ENOX1: variants seen among roughly 807,000 people sequenced by gnomAD.
The protein encoded by ENOX1 is ecto-NOX disulfide-thiol exchanger 1.
In ENOX1, 42 loss-of-function variants were observed where a neutral mutation model predicts 82.5. That is an observed-to-expected ratio of 0.51 (90% confidence interval 0.40 to 0.66). The LOEUF (loss-of-function observed/expected upper bound fraction) is 0.66. Ranked by LOEUF, ENOX1 falls within the 30% of genes least tolerant of loss-of-function variation. The pLI is 0.00. For missense variants in ENOX1, 608 were observed against 811.6 expected (o/e 0.75, Z 3.05); for synonymous variants, 271 against 282.2 (o/e 0.96, Z 0.40).
intron 5 of ENOX1, among the ~76,000 whole-genome samples, chr13:43,410,044 T>C (rs1262184941): frequency 6.6e-6 from 1 of 152,210 alleles, no homozygotes; most frequent in African/African-American, 2.4e-5. Flanking sequence ...ACGGTAAATC[T>C]TCTATAACGC....
chr13:43,589,095 G>C (rs567334498), intron 2 of ENOX1, among the ~76,000 whole-genome samples: 2 of 150,932 alleles, frequency 1.3e-5, no homozygotes, highest in South Asian at 4.2e-4. Context: ...GAAAACAAGG[G>C]AAGCTAACAA....
chr13:43,744,912 C>T (rs1175529496), intron 1 of ENOX1, among the ~76,000 whole-genome samples: 1 of 152,158 alleles, frequency 6.6e-6, no homozygotes, highest in Non-Finnish European at 1.5e-5. Context: ...TGCATCTTAG[C>T]ATTACGGATT....
intron 2 of ENOX1, among the ~76,000 whole-genome samples, chr13:43,536,017 GAA>G (rs1174182763): frequency 6.6e-6 from 1 of 151,958 alleles, no homozygotes; most frequent in Non-Finnish European, 1.5e-5. Context: ...GTGCAGTTCA[GAA>G]ATGAGGTTCT....
chr13:43,535,266 T>C (rs1020715358), intron 2 of ENOX1, among the ~76,000 whole-genome samples: 1 of 152,204 alleles, frequency 6.6e-6, no homozygotes. Context: ...AAACACATTT[T>C]CTTATATTCT....
intron 14 of ENOX1, among the ~76,000 whole-genome samples, chr13:43,247,860 TATATATATATATATATATATA>T (rs1363976497): frequency 0.057 from 226 of 3,938 alleles, 15 homozygotes; most frequent in African/African-American, 0.11. Context: ...TATATATATA[TATATATATATATATATATATA>T]TATTTTTTTT....
intron 7 of ENOX1, 195 bp downstream of exon 7, chr13:43,359,656 T>C (rs2050371786): frequency 3.4e-6 from 2 of 582,672 alleles, no homozygotes; most frequent in African/African-American, 3.7e-5. Context: ...TGGTGGGAAA[T>C]TGCTCCTGCA....
chr13:43,363,568 T>C (rs938637441), intron 5 of ENOX1, among the ~76,000 whole-genome samples: 3 of 152,210 alleles, frequency 2.0e-5, no homozygotes, highest in Non-Finnish European at 4.4e-5. Flanking sequence ...GCAATGGGAA[T>C]ATTGGCATGC....
At chr13:43,599,368 G>A (rs2081605215) in intron 2 of ENOX1, among the ~76,000 whole-genome samples, 1 of 151,996 alleles carries the variant, frequency 6.6e-6, no homozygotes, top group Non-Finnish European at 1.5e-5. Flanking sequence ...ACTTGGGAAA[G>A]GGAGAGTGCA....
At chr13:43,316,665 A>G (rs867688635) in intron 11 of ENOX1, among the ~76,000 whole-genome samples, 20 of 152,184 alleles carry the variant, frequency 1.3e-4, no homozygotes, top group Admixed American at 1.1e-3. Context: ...TCAGAAGCAT[A>G]TCCATTACGG....
chr13:43,313,958 C>T (rs1204052665), intron 11 of ENOX1, among the ~76,000 whole-genome samples: 1 of 152,170 alleles, frequency 6.6e-6, no homozygotes, highest in African/African-American at 2.4e-5. Context: ...GCCTTTGGGA[C>T]ACAGCAGCTC....
intron 2 of ENOX1, among the ~76,000 whole-genome samples, chr13:43,608,203 G>A (rs920237637): frequency 1.3e-5 from 2 of 152,188 alleles, no homozygotes; most frequent in African/African-American, 4.8e-5. Context: ...CGAGCATGGG[G>A]AGGGCAAAGT....
At chr13:43,580,384 A>G (rs1354228082) in intron 2 of ENOX1, among the ~76,000 whole-genome samples, 2 of 152,216 alleles carry the variant, frequency 1.3e-5, no homozygotes, top group Non-Finnish European at 2.9e-5. Context: ...ATTCACAGAC[A>G]TAGTATGACT....
chr13:43,566,051 T>C (rs150975428), intron 2 of ENOX1, among the ~76,000 whole-genome samples: 39 of 152,312 alleles, frequency 2.6e-4, no homozygotes, highest in African/African-American at 8.9e-4. Context: ...CTGATGATAA[T>C]TAAGAAAAGG....
intron 1 of ENOX1, among the ~76,000 whole-genome samples, chr13:43,722,917 G>A (rs1382273476): frequency 6.6e-6 from 1 of 152,130 alleles, no homozygotes; most frequent in Non-Finnish European, 1.5e-5. Context: ...ATAATCATCT[G>A]AATCATGAAG....
chr13:43,217,701 C>T (rs765825210), intron 16 of ENOX1, among the ~76,000 whole-genome samples: 1 of 152,214 alleles, frequency 6.6e-6, no homozygotes, highest in East Asian at 1.9e-4. Flanking sequence ...GTTAAGTAAC[C>T]AGTCACTTAA....
At chr13:43,445,245 T>C (rs1284263983) in intron 3 of ENOX1, among the ~76,000 whole-genome samples, 1 of 150,398 alleles carries the variant, frequency 6.6e-6, no homozygotes, top group Non-Finnish European at 1.5e-5. Flanking sequence ...TGCCTCAGCC[T>C]CCCAAGTAGC....
intron 1 of ENOX1, among the ~76,000 whole-genome samples, chr13:43,722,631 G>T (rs919806268): frequency 6.6e-6 from 1 of 152,034 alleles, no homozygotes; most frequent in Non-Finnish European, 1.5e-5. Context: ...TACCAGACAT[G>T]ATGACAGGGA....
intron 3 of ENOX1, among the ~76,000 whole-genome samples, chr13:43,436,859 A>G (rs947221563): frequency 6.6e-6 from 1 of 152,190 alleles, no homozygotes; most frequent in Non-Finnish European, 1.5e-5. Flanking sequence ...TGATTCTATA[A>G]CTGGATAGTC....
chr13:43,339,267 C>T lies in ENOX1; in HGVS notation c.1036+5271G>A, dbSNP rs550808694. Among the ~76,000 whole-genome samples the T allele has an allele frequency of 1.1e-4, 17 of 152,264 alleles. No individual in the cohort carries two copies. The East Asian group carries it at 2.3e-3, about 21-fold the overall frequency. ...TTTGTTAAGCACTGAACTTCAGGAA[C>T]GGTGGCTGGAGAGCAATCTAGGCCA... On this transcript the variant is annotated intron_variant, in intron 9 of 16. Transcript: ENST00000690772.
Sources: allele counts gnomAD v4.1 joint callset (sites outside exome capture counted in the v4.1 genomes callset), GRCh38; gene constraint gnomAD v4.1.1; transcripts MANE v1.5; gene names NCBI Gene and HGNC (gene_info 2026-07-23, HGNC 2026-07-21).